PNPT1: variants seen among roughly 807,000 people sequenced by gnomAD.
The protein encoded by PNPT1 is polyribonucleotide nucleotidyltransferase 1, also known as polyribonucleotide nucleotidyltransferase 1, mitochondrial.
PNPT1 carries 53 observed loss-of-function variants against 119.5 expected under a neutral mutation model. The observed-to-expected ratio is 0.44, with a 90% confidence interval of 0.36 to 0.56. PNPT1 has a LOEUF of 0.56. PNPT1 is among the 20% of genes least tolerant of loss of function. The pLI, the probability that PNPT1 is intolerant of heterozygous loss-of-function variation, is 0.00. For synonymous variants in PNPT1, 357 were observed against 322.1 expected (o/e 1.11, Z -1.16); for missense variants, 948 against 938.5 (o/e 1.01, Z -0.13).
At chr2:55,671,131 C>T (rs529272668) in intron 11 of PNPT1, among the ~76,000 whole-genome samples, 188 bp downstream of exon 11, 58 of 152,216 alleles carry the variant, frequency 3.8e-4, no homozygotes, top group South Asian at 2.7e-3. Flanking sequence ...AGAAGACCAC[C>T]TGCTATGAGA....
intron 23 of PNPT1, among the ~76,000 whole-genome samples, chr2:55,643,917 TTATA>T (rs1179377773): frequency 1.3e-5 from 2 of 152,306 alleles, no homozygotes; most frequent in East Asian, 3.9e-4. Flanking sequence ...GTACCTGGCA[TTATA>T]CTAGGTAGGC....
intron 6 of PNPT1, 40 bp downstream of exon 6, chr2:55,680,815 T>G (rs56812655): frequency 6.2e-7 from 1 of 1,611,168 alleles, no homozygotes; most frequent in Non-Finnish European, 8.5e-7. Flanking sequence ...TTTAAAAAAA[T>G]TTTTAATCTG....
At chr2:55,643,771 T>G (rs1695909504) in intron 23 of PNPT1, among the ~76,000 whole-genome samples, 1 of 151,470 alleles carries the variant, frequency 6.6e-6, no homozygotes. Flanking sequence ...CTCATTCCAG[T>G]GGAAACTCGT....
chr2:55,651,898 A>AAC (rs1303031227), intron 18 of PNPT1, among the ~76,000 whole-genome samples: 11 of 151,334 alleles, frequency 7.3e-5, no homozygotes, highest in Admixed American at 2.0e-4. Flanking sequence ...AAAAAAAAAA[A>AAC]AAAAAACAAT....
intron 25 of PNPT1, 67 bp downstream of exon 25, chr2:55,643,091 G>C: frequency 6.5e-7 from 1 of 1,542,094 alleles, no homozygotes; most frequent in Admixed American, 1.7e-5. Flanking sequence ...CCCACTGTGG[G>C]TGGCAGGGTG....
intron 8 of PNPT1, among the ~76,000 whole-genome samples, chr2:55,673,355 C>G (rs569799824): frequency 2.4e-4 from 37 of 151,404 alleles, no homozygotes; most frequent in Admixed American, 5.9e-4. Flanking sequence ...AAAAAGAAAT[C>G]ATGCACATAT....
chr2:55,680,953 T>G, intron 5 of PNPT1, 35 bp from the exon 6 acceptor site: 1 of 1,563,064 alleles, frequency 6.4e-7, no homozygotes, highest in Non-Finnish European at 8.8e-7. Context: ...TTGGAAGGGT[T>G]ATCATTTAGG....
chr2:55,663,043 C>A (rs1296208287), intron 13 of PNPT1, among the ~76,000 whole-genome samples: 1 of 152,054 alleles, frequency 6.6e-6, no homozygotes, highest in Non-Finnish European at 1.5e-5. Flanking sequence ...TGCCACCACG[C>A]CCAGCTAATT....
intron 8 of PNPT1, among the ~76,000 whole-genome samples, chr2:55,673,945 A>C (rs183227576): frequency 5.9e-4 from 89 of 149,870 alleles, no homozygotes; most frequent in African/African-American, 2.1e-3. Context: ...CTGCTCTCGA[A>C]CTCCTGACCT....
chr2:55,656,514 A>G, intron 15 of PNPT1, 143 bp from the exon 16 acceptor site: 1 of 728,628 alleles, frequency 1.4e-6, no homozygotes, highest in East Asian at 2.7e-5. Context: ...AAATATACAG[A>G]AAACGTATGA....
chr2:55,671,175 A>C (rs879075081), intron 11 of PNPT1, 144 bp downstream of exon 11: 3 of 451,244 alleles, frequency 6.6e-6, no homozygotes, highest in East Asian at 3.8e-5. Context: ...GCAGCTGTAA[A>C]GTTGAAAGTC....
chr2:55,688,083 G>A (rs935414547), intron 1 of PNPT1, among the ~76,000 whole-genome samples: 6 of 143,732 alleles, frequency 4.2e-5, no homozygotes, highest in African/African-American at 1.3e-4. Context: ...TTGCTCTGTT[G>A]CCCAGGCTGG....
intron 18 of PNPT1, among the ~76,000 whole-genome samples, chr2:55,651,339 A>C (rs929399001): frequency 2.0e-4 from 30 of 151,748 alleles, no homozygotes; most frequent in South Asian, 1.5e-3. Context: ...GAAAGGGGGG[A>C]AAGGTGGGGA....
chr2:55,647,255 A>G, intron 19 of PNPT1, 92 bp downstream of exon 19: 1 of 1,024,928 alleles, frequency 9.8e-7, no homozygotes, highest in Non-Finnish European at 1.4e-6. Flanking sequence ...AAGTACATAT[A>G]GTCTTCACCA....
intron 1 of PNPT1, 56 bp from the exon 2 acceptor site, chr2:55,687,761 G>T (rs1559114136): frequency 7.5e-7 from 1 of 1,338,004 alleles, no homozygotes; most frequent in South Asian, 1.4e-5. Context: ...TACAATTCCT[G>T]CTTAGTATAA....
chr2:55,636,686 T>C (rs777104913), intron 27 of PNPT1, among the ~76,000 whole-genome samples: 1 of 152,192 alleles, frequency 6.6e-6, no homozygotes, highest in Non-Finnish European at 1.5e-5. Context: ...GTCACAGGCA[T>C]AGTGAATGAT....
At chr2:55,644,333 A>G (rs1256673253) in intron 23 of PNPT1, among the ~76,000 whole-genome samples, 1 of 152,196 alleles carries the variant, frequency 6.6e-6, no homozygotes, top group Admixed American at 6.5e-5. Flanking sequence ...AGAAATAACT[A>G]AGTAATAATT....
At chr2:55,659,392 G>A (rs546737475) in intron 15 of PNPT1, among the ~76,000 whole-genome samples, 2 of 152,074 alleles carry the variant, frequency 1.3e-5, no homozygotes, top group South Asian at 2.1e-4. Flanking sequence ...AATACTAAAC[G>A]TCTCATCTTT....
chr2:55,665,488 T>C (rs927918374), intron 13 of PNPT1, among the ~76,000 whole-genome samples: 1 of 152,152 alleles, frequency 6.6e-6, no homozygotes, highest in Non-Finnish European at 1.5e-5. Context: ...CCAAAAGGAA[T>C]TAATATTTAA....
Sources: allele counts gnomAD v4.1 joint callset (sites outside exome capture counted in the v4.1 genomes callset), GRCh38; gene constraint gnomAD v4.1.1; transcripts MANE v1.5; gene names NCBI Gene and HGNC (gene_info 2026-07-23, HGNC 2026-07-21).